Variants in UNK observed in about 807,000 individuals in gnomAD.
UNK encodes the protein RING finger protein unkempt homolog.
UNK carries 32 observed loss-of-function variants against 97.6 expected under a neutral mutation model. That is an observed-to-expected ratio of 0.33 (90% CI 0.25 to 0.44). The LOEUF (loss-of-function observed/expected upper bound fraction) is 0.44. UNK is among the 20% of genes least tolerant of loss of function. The probability of loss-of-function intolerance (pLI) is 1.00; values close to 1 mark genes in which losing one functional copy is unlikely to be tolerated. For missense variants in UNK, 771 were observed against 1,098.4 expected, an observed-to-expected ratio of 0.70 and a Z score of 4.21; for synonymous variants, 441 against 461.2, an observed-to-expected ratio of 0.96 and a Z score of 0.56.
At chr17:75,803,216 C>T (rs773923373) in intron 1 of UNK, among the ~76,000 whole-genome samples, 3 of 135,852 alleles carry the variant, frequency 2.2e-5, no homozygotes, top group Non-Finnish European at 3.2e-5. Flanking sequence ...TCTCCCAACA[C>T]GGTGAAACCC....
In UNK at chr17:75,824,341, C is replaced by T. The variant is rs373788530; in HGVS notation, c.2357C>T (p.Ala786Val). ...KRAVLPCQHAALCELCAEGSE... is the reference protein window; with the variant it reads ...KRAVLPCQHAVLCELCAEGSE... ...GCAGTGCTGCCGTGCCAACACGCTG[C>T]GCTGTGTGAGCTCTGCGCTGAGGGC... Residue 786 changes from alanine to valine, a missense_variant, in exon 16 of 16, where the codon GCG (alanine) becomes GTG (valine). Around this residue, in one of 5 missense-constraint regions of UNK, gnomAD observed 208 missense variants for 257.4 expected, o/e 0.81. Transcript: ENST00000589666. The surrounding 1 kb of genome is among the most constrained non-coding windows in gnomAD (Gnocchi z 4.9). 1.3e-4 allele frequency: 208 copies of T among 1,602,196 alleles called. No individual in the cohort carries two copies. The highest frequency in any genetic ancestry group is 1.6e-4 in the Non-Finnish European group (187 of 1,176,234).
chr17:75,818,169 G>T lies in UNK; in HGVS notation c.1371+1G>T. ...GCAGCCTCTGCTTCAGCCCAAACAG[G>T]TATAGAGCTCTCAGCCCCCTTCCTC... On this transcript the variant is annotated splice_donor_variant, in intron 10 of 15. Coordinates refer to ENST00000589666, the MANE Select transcript of UNK (RefSeq NM_001080419.3). LOFTEE classifies it high-confidence loss of function. This position sits in a 1 kb window ranked among gnomAD's most constrained non-coding sequence, Gnocchi z 5.1. 6.2e-7 allele frequency: 1 copy of T among 1,613,450 alleles called. No homozygotes were observed. The highest frequency in any genetic ancestry group is 8.5e-7 in the Non-Finnish European group (1 of 1,179,748).
intron 1 of UNK, among the ~76,000 whole-genome samples, chr17:75,807,565 A>G (rs553909373): frequency 1.2e-4 from 18 of 152,238 alleles, no homozygotes; most frequent in Non-Finnish European, 2.1e-4. Flanking sequence ...AGGTACTTCT[A>G]CCTCAGCCTC....
rs371482163 is a variant in UNK, at chr17:75,822,598, G to C, written c.1959G>C (p.Glu653Asp). 1.2e-6 allele frequency: 2 copies of C among 1,613,174 alleles called. No individual in the cohort carries two copies. Among genetic ancestry groups the C allele is most frequent in the Non-Finnish European group, 1.7e-6 (2 of 1,179,782 alleles). The change falls in exon 14 of 16, where the codon GAG (glutamate) becomes GAC (aspartate). Residue 653 changes from glutamate to aspartate, a missense_variant. Transcript: ENST00000589666. ...GAAELARLRQ[E>D]LDEANSTIKQ... ...CCGAGCTGGCCCGACTTCGGCAAGA[G>C]CTGGATGAAGCCAACAGCACCATCA...
Position 75,817,028 on chromosome 17 carries a change from G to A in UNK, c.1104+116G>A, listed in dbSNP as rs1657568012. The A allele has an allele frequency of 7.1e-7, 1 of 1,404,670 alleles. No individual in the cohort carries two copies. Among genetic ancestry groups the A allele is most frequent in the East Asian group, 2.5e-5 (1 of 39,952 alleles). The allele number at this position is 1,404,670 out of a possible 1,614,324, so 87.0% of individuals were successfully genotyped here. A position where few individuals can be genotyped will look rare whatever the true frequency, so the allele number is the denominator to read the frequency against. Reference sequence around the variant, plus strand: ...CATCCTGGTATTTGTCCTCAGGCCAGGGGGATCTGTCTTTTCCATCTCAGC... The same window carrying A: ...CATCCTGGTATTTGTCCTCAGGCCAAGGGGATCTGTCTTTTCCATCTCAGC... On this transcript the variant is annotated intron_variant, in intron 8 of 15. Transcript: ENST00000589666. This position sits in a 1 kb window ranked among gnomAD's most constrained non-coding sequence, Gnocchi z 5.8.
At chr17:75,820,143 GGCAGGAACCTGC>G in intron 13 of UNK, 35 bp downstream of exon 13, 1 of 1,577,654 alleles carries the variant, frequency 6.3e-7, no homozygotes. Flanking sequence ...GGAGAACTGG[GGCAGGAACCTGC>G]GCCTTTAGGA....
intron 6 of UNK, 30 bp downstream of exon 6, chr17:75,813,908 CT>C (rs1410782488): frequency 1.3e-6 from 2 of 1,533,988 alleles, no homozygotes; most frequent in Non-Finnish European, 1.8e-6. Context: ...GGGGGGGTGG[CT>C]TTGGGAAGTA....
At position 75,784,911 on chromosome 17, in the gene UNK, G is replaced by A. The variant is rs751120330; in HGVS notation, c.31G>A (p.Ala11Thr). 8.3e-6 allele frequency: 13 copies of A among 1,570,090 alleles called. No homozygotes were observed. The highest frequency in any genetic ancestry group is 4.0e-5 in the Admixed American group (2 of 49,884). ...GAAGGGCCCCGGGCCCGGCGGCTCCGCAGCTTCCTCGGCGCCCCCGGCCGC... is the reference window on the plus strand; with the variant it reads ...GAAGGGCCCCGGGCCCGGCGGCTCCACAGCTTCCTCGGCGCCCCCGGCCGC... MSKGPGPGGS[A>T]ASSAPPAATA... Residue 11 changes from alanine (A) to threonine (T), a missense_variant, in exon 1 of 16, where the codon GCA becomes ACA. Physicochemically the swap from Ala to Thr is moderately conservative, Grantham distance 58 (BLOSUM62 0). Coordinates refer to ENST00000589666, the MANE Select transcript of UNK (RefSeq NM_001080419.3).
At chr17:75,793,370 C>T in intron 1 of UNK, 2 of 965,118 alleles carry the variant, frequency 2.1e-6, no homozygotes, top group African/African-American at 3.5e-5. Flanking sequence ...TATATTAGTT[C>T]AAGTAATCAC....
intron 13 of UNK, chr17:75,821,544 G>A: frequency 2.2e-6 from 1 of 452,186 alleles, no homozygotes; most frequent in South Asian, 1.6e-5. Context: ...GGCTCAGACA[G>A]TGCATGCCAC....
chr17:75,812,859 G>T (rs1245155860), intron 4 of UNK, among the ~76,000 whole-genome samples: 1 of 152,266 alleles, frequency 6.6e-6, no homozygotes, highest in Non-Finnish European at 1.5e-5. Context: ...CTTTCACCCT[G>T]TGAGCTGTGA....
In UNK at chr17:75,819,835, G is replaced by A. The variant is rs773280191; in HGVS notation, c.1648+50G>A. ...AGCCTGGAGGACTCCTCGGGTTCCTGCCTGGCTCAGGCCCCTTGCTCTGTG... is the reference window on the plus strand; with the variant it reads ...AGCCTGGAGGACTCCTCGGGTTCCTACCTGGCTCAGGCCCCTTGCTCTGTG... On this transcript the variant is annotated intron_variant, in intron 12 of 15. Coordinates refer to ENST00000589666, the MANE Select transcript of UNK (RefSeq NM_001080419.3). This position sits in a 1 kb window ranked among gnomAD's most constrained non-coding sequence, Gnocchi z 5.4. 7 of 1,611,026 alleles carry A rather than the reference G, an allele frequency of 4.3e-6. No individual in the cohort carries two copies. In the Admixed American group the frequency reaches 8.4e-5, roughly 19 times the overall value.
chr17:75,818,700 T>C lies in UNK; in HGVS notation c.1430T>C (p.Ile477Thr). The change falls in exon 11 of 16, where the codon ATC (isoleucine) becomes ACC (threonine). Residue 477 changes from isoleucine (I) to threonine (T), a missense_variant. Physicochemically the swap from Ile to Thr is moderately conservative, Grantham distance 89 (BLOSUM62 -1). Transcript: ENST00000589666. This position sits in a 1 kb window ranked among gnomAD's most constrained non-coding sequence, Gnocchi z 5.1. ...CTGACCTCAAGCATCTCTTCTAGTA[T>C]CACCTCCAGCCTGGCAGCTACCCCC... ...SPLTSSISSS[I>T]TSSLAATPPS... 1 of 1,612,796 alleles carries C rather than the reference T, an allele frequency of 6.2e-7. No homozygotes were observed. Among genetic ancestry groups the C allele is most frequent in the Non-Finnish European group, 8.5e-7 (1 of 1,179,360 alleles).
At position 75,816,343 on chromosome 17, in the gene UNK, C is replaced by G. The variant is rs2062015591; in HGVS notation, c.962-427C>G. Among the ~76,000 whole-genome samples, 1 of 152,212 alleles carries G rather than the reference C, an allele frequency of 6.6e-6. No individual in the cohort carries two copies. The highest frequency in any genetic ancestry group is 1.5e-5 in the Non-Finnish European group (1 of 68,036). On this transcript the variant is annotated intron_variant, in intron 7 of 15. Coordinates refer to ENST00000589666, the MANE Select transcript of UNK (RefSeq NM_001080419.3). This position sits in a 1 kb window ranked among gnomAD's most constrained non-coding sequence, Gnocchi z 4.0. The stretch of plus-strand genomic sequence containing the variant: ...AATCGAGGGCCCTGGGCGGGAGAAG[C>G]ATATTCTTGATGCAGAGGTGGTCCC...
intron 15 of UNK, 98 bp downstream of exon 15, chr17:75,823,620 T>G: frequency 7.0e-7 from 1 of 1,420,858 alleles, no homozygotes; most frequent in Non-Finnish European, 9.3e-7. Context: ...ATGGCCACCC[T>G]CCTGAGAGCC....
chr17:75,823,285 A>G lies in UNK; in HGVS notation c.2040A>G (p.Lys680=). 6.2e-7 allele frequency: 1 copy of G among 1,604,012 alleles called. No individual in the cohort carries two copies. The highest frequency in any genetic ancestry group is 8.5e-7 in the Non-Finnish European group (1 of 1,173,366). ...QAKQACDAWK[K]EAEEAGERAS... is the part of the protein sequence containing the mutation. ...CACAGGCTTGTGATGCCTGGAAGAA[A>G]GAGGCGGAGGAGGCTGGTGAGCGGG... Residue 680 remains lysine (K), a synonymous_variant, in exon 15 of 16, where the codon AAA becomes AAG. Coordinates refer to ENST00000589666, the MANE Select transcript of UNK (RefSeq NM_001080419.3).
At chr17:75,806,183 CAG>C (rs1567801256) in intron 1 of UNK, among the ~76,000 whole-genome samples, 1 of 151,670 alleles carries the variant, frequency 6.6e-6, no homozygotes, top group Admixed American at 6.6e-5. Context: ...TGGCCGGGCA[CAG>C]GGGCTCATGC....
chr17:75,818,518 TG>T lies in UNK; in HGVS notation c.1372-119del. The T allele has an allele frequency of 8.4e-7, 1 of 1,183,490 alleles. No individual in the cohort carries two copies. Among genetic ancestry groups the T allele is most frequent in the Non-Finnish European group, 1.2e-6 (1 of 863,630 alleles). The allele number at this position is 1,183,490 out of a possible 1,614,324, so 73.3% of individuals were successfully genotyped here. Reference sequence around the variant, plus strand: ...GGGTGTGCCGGGGCCCATGTGGGCATGGGGGCACCCGGACTAGAGCTAGCAC... The same window carrying T: ...GGGTGTGCCGGGGCCCATGTGGGCATGGGGCACCCGGACTAGAGCTAGCAC... On this transcript the variant is annotated intron_variant, in intron 10 of 15. Transcript: ENST00000589666. The surrounding 1 kb of genome is among the most constrained non-coding windows in gnomAD (Gnocchi z 5.1).
Position 75,816,881 on chromosome 17 carries a change from C to A in UNK, c.1073C>A (p.Pro358His). The A allele has an allele frequency of 6.2e-7, 1 of 1,606,356 alleles. No individual in the cohort carries two copies. The highest frequency in any genetic ancestry group is 8.5e-7 in the Non-Finnish European group (1 of 1,179,268). ...SAAGDSVPVS[P>H]SSPHAPDLSA... ...GCCGGAGACTCGGTGCCTGTGAGCC[C>A]CTCCAGCCCGCATGCCCCTGACCTC... Residue 358 changes from proline (P) to histidine (H), a missense_variant, in exon 8 of 16, where the codon CCC (proline) becomes CAC (histidine). This residue lies in a region of UNK where 192 missense variants were observed against 202.4 expected (regional missense o/e 0.95). Coordinates refer to ENST00000589666, the MANE Select transcript of UNK (RefSeq NM_001080419.3). This position sits in a 1 kb window ranked among gnomAD's most constrained non-coding sequence, Gnocchi z 4.0.
Sources: gnomAD v4.1 joint callset for allele counts (sites outside exome capture counted in the v4.1 genomes callset) on GRCh38, gnomAD v4.1.1 for gene constraint, gnomAD v4.1.1 regional missense constraint, Gnocchi (gnomAD v3.1) non-coding constraint, MANE v1.5 for transcripts, NCBI Gene and HGNC (gene_info 2026-07-23, HGNC 2026-07-21) for gene names.